Variants in RALGDS observed in about 807,000 individuals in gnomAD.
The protein encoded by RALGDS is ral guanine nucleotide dissociation stimulator, also known as ral guanine nucleotide exchange factor.
A neutral mutation model predicts 99.8 loss-of-function variants in RALGDS; 44 were observed. The observed-to-expected ratio is 0.44, with a 90% CI of 0.35 to 0.57. The LOEUF (loss-of-function observed/expected upper bound fraction) is 0.57, where lower values mean the gene tolerates loss of function less well. Among genes scored for constraint, RALGDS ranks in the 20% least tolerant of loss-of-function variants. The probability of loss-of-function intolerance (pLI) is 0.01; values close to 1 mark genes in which losing one functional copy is unlikely to be tolerated. For synonymous variants in RALGDS, 529 were observed against 505.0 expected, an observed-to-expected ratio of 1.05 and a Z score of -0.64; for missense variants, 1,022 against 1,203.1, an observed-to-expected ratio of 0.85 and a Z score of 2.23.
chr9:133,120,669 G>A (rs754727520), intron 1 of RALGDS, among the ~76,000 whole-genome samples: 13 of 152,186 alleles, frequency 8.5e-5, no homozygotes, highest in Non-Finnish European at 1.9e-4. Context: ...GGACAGTGCC[G>A]CAGAAAAAGG....
At chr9:133,130,985 C>T in exon 1 of RALGDS, 1 of 1,535,646 alleles carries the variant, frequency 6.5e-7, no homozygotes, top group African/African-American at 1.4e-5. Flanking sequence ...GATGCCCAGT[C>T]CCTGGCTGCA....
intron 16 of RALGDS, chr9:133,101,046 C>G: frequency 9.3e-7 from 1 of 1,076,146 alleles, no homozygotes; most frequent in African/African-American, 1.7e-5. Context: ...GAGCAATTCC[C>G]ATCTGCTGTC....
At chr9:133,104,681 G>T in intron 9 of RALGDS, 1 of 296,252 alleles carries the variant, frequency 3.4e-6, no homozygotes, top group East Asian at 8.7e-5. Context: ...GGTTGGTGGT[G>T]CACACCTATA....
intron 4 of RALGDS, among the ~76,000 whole-genome samples, chr9:133,109,113 A>G (rs1481375004): frequency 2.0e-4 from 30 of 152,190 alleles, no homozygotes; most frequent in Admixed American, 2.0e-3. Flanking sequence ...AAACTCCATG[A>G]GGGATCGGTC....
Position 133,098,758 on chromosome 9 carries a change from C to T in RALGDS, c.2574G>A (p.Leu858=). 1 of 1,613,964 alleles carries T rather than the reference C, an allele frequency of 6.2e-7. No homozygotes were observed. Among genetic ancestry groups the T allele is most frequent in the Non-Finnish European group, 8.5e-7 (1 of 1,179,976 alleles). Reference sequence around the variant, plus strand: ...AGACGTTGGCGTTTTCAGGGATCTTCAGCTCTGGTGGGGAGGGGCAGAGGG... The same window carrying T: ...AGACGTTGGCGTTTTCAGGGATCTTTAGCTCTGGTGGGGAGGGGCAGAGGG... ...LLQILSDDRK[L]KIPENANVFY... The change falls in exon 18 of 18, where the codon CTG becomes CTA. Residue 858 remains leucine, a synonymous_variant. Transcript: ENST00000372050.
chr9:133,108,831 T>C lies in RALGDS; in HGVS notation c.620A>G (p.Gln207Arg), dbSNP rs1257299222. The change falls in exon 5 of 18, where the codon CAG becomes CGG. Residue 207 changes from glutamine to arginine, a missense_variant. This residue lies in a region of RALGDS where 825 missense variants were observed against 994.5 expected (regional missense o/e 0.83). Coordinates refer to ENST00000372050, the MANE Select transcript of RALGDS (RefSeq NM_006266.4). The part of the protein sequence containing the change: ...ISSILGTWLD[Q>R]YSEDFCQPPD... ...AGGTTGACAGAAATCCTCCGAGTAC[T>C]GGTCCAGCCAGGTGCCCAGGATGGA... The C allele has an allele frequency of 1.2e-6, 2 of 1,613,032 alleles. No individual in the cohort carries two copies. The highest frequency in any genetic ancestry group is 1.6e-4 in the Middle Eastern group (1 of 6,078).
intron 16 of RALGDS, chr9:133,101,043 T>G: frequency 9.4e-7 from 1 of 1,068,784 alleles, no homozygotes; most frequent in Non-Finnish European, 1.1e-6. Flanking sequence ...TGTGAGCAAT[T>G]CCCATCTGCT....
chr9:133,104,055 C>T (rs1195471886), intron 10 of RALGDS, among the ~76,000 whole-genome samples: 2 of 152,186 alleles, frequency 1.3e-5, no homozygotes, highest in Non-Finnish European at 2.9e-5. Context: ...CCCAGCCCCA[C>T]ACCCGCCTGA....
chr9:133,119,281 G>A (rs1245735018), intron 1 of RALGDS, among the ~76,000 whole-genome samples: 2 of 152,210 alleles, frequency 1.3e-5, no homozygotes, highest in Admixed American at 1.3e-4. Flanking sequence ...GACGGGGGGT[G>A]TTGGCAGGAG....
rs756988171 is a variant in RALGDS at position 133,108,062 on chromosome 9, G to T, written c.1123C>A (p.Leu375Met). 1.1e-5 allele frequency: 17 copies of T among 1,613,548 alleles called. No homozygotes were observed. In the South Asian group the frequency reaches 1.9e-4, roughly 18 times the overall value. The change falls in exon 6 of 18, where the codon CTG becomes ATG. Residue 375 changes from leucine (L) to methionine (M), a missense_variant. Transcript: ENST00000372050. ...WPSPVVAENG[L>M]SEEKPHLLVF... Reference sequence around the variant, plus strand: ...AAGAGGTGAGGCTTCTCCTCACTCAGCCCGTTCTCTGCAACCACAGGTGAA... The same window carrying T: ...AAGAGGTGAGGCTTCTCCTCACTCATCCCGTTCTCTGCAACCACAGGTGAA...
At chr9:133,120,048 G>A (rs2119209724) in intron 1 of RALGDS, among the ~76,000 whole-genome samples, 1 of 152,326 alleles carries the variant, frequency 6.6e-6, no homozygotes, top group Non-Finnish European at 1.5e-5. Context: ...GATGGGCCCT[G>A]AGCCCCCGAT....
chr9:133,122,092 G>C (rs1588555089), upstream of RALGDS, among the ~76,000 whole-genome samples: 1 of 152,372 alleles, frequency 6.6e-6, no homozygotes, highest in Non-Finnish European at 1.5e-5. Context: ...CAGAGCACAT[G>C]GCTGCGTGGC....
chr9:133,135,202 G>A (rs1832406600), upstream of RALGDS, among the ~76,000 whole-genome samples: 1 of 152,204 alleles, frequency 6.6e-6, no homozygotes, highest in South Asian at 2.1e-4. Context: ...GGACTCCCAG[G>A]AGCAGCAGAG....
At position 133,101,451 on chromosome 9, in the gene RALGDS, G is replaced by A. The variant is rs775429513; in HGVS notation, c.2454+69C>T. ...AGGTAGACCCCGGGAGGGCAGGGAT[G>A]GTGCACTGTGTTCAGGGTGCATTTG... On this transcript the variant is annotated intron_variant, in intron 16 of 17. Coordinates refer to ENST00000372050, the MANE Select transcript of RALGDS (RefSeq NM_006266.4). 8.7e-6 allele frequency: 14 copies of A among 1,604,370 alleles called. No homozygotes were observed. In the South Asian group the frequency reaches 1.3e-4, roughly 15 times the overall value.
At chr9:133,149,173 T>TCCGCG (rs1299975658) in exon 1 of RALGDS, 1 of 145,938 alleles carries the variant, frequency 6.9e-6, no homozygotes, top group Admixed American at 7.2e-5. Context: ...GCTCCCATTG[T>TCCGCG]CTGCGCCGCG....
intron 1 of RALGDS, among the ~76,000 whole-genome samples, chr9:133,148,757 C>T (rs953459647): frequency 3.3e-5 from 5 of 152,236 alleles, no homozygotes; most frequent in Admixed American, 2.0e-4. Context: ...CTCTGGACTC[C>T]GCCAACTTCG....
intron 1 of RALGDS, among the ~76,000 whole-genome samples, chr9:133,141,776 A>G (rs1165727817): frequency 6.6e-6 from 1 of 152,244 alleles, no homozygotes; most frequent in African/African-American, 2.4e-5. Context: ...ACACAGGCAG[A>G]GGGGTAGATG....
intron 1 of RALGDS, 53 bp from the exon 2 acceptor site, chr9:133,112,205 G>T: frequency 7.9e-7 from 1 of 1,268,900 alleles, no homozygotes; most frequent in Non-Finnish European, 1.1e-6. Context: ...GGCCTGCCTG[G>T]CCACCGTGCA....
At position 133,106,417 on chromosome 9, in the gene RALGDS, T is replaced by C. The variant is rs139599417; in HGVS notation, c.1517+228A>G. ...CACAAAGGTTTTGATTTCAATTGGATGAGGGTTCTGTGGCTACAACACGAA... is the reference window on the plus strand; with the variant it reads ...CACAAAGGTTTTGATTTCAATTGGACGAGGGTTCTGTGGCTACAACACGAA... On this transcript the variant is annotated intron_variant, in intron 8 of 17. Transcript: ENST00000372050. Among the ~76,000 whole-genome samples, 34 of 152,248 alleles carry C rather than the reference T, an allele frequency of 2.2e-4. 1 individual carries two copies. Among genetic ancestry groups the C allele is most frequent in the African/African-American group, 8.2e-4 (34 of 41,556 alleles).
Sources: gnomAD v4.1 joint callset for allele counts (sites outside exome capture counted in the v4.1 genomes callset) on GRCh38, gnomAD v4.1.1 for gene constraint, gnomAD v4.1.1 regional missense constraint, MANE v1.5 for transcripts, NCBI Gene and HGNC (gene_info 2026-07-23, HGNC 2026-07-21) for gene names.